The following ARHGAP6 variants were observed in gnomAD, a reference collection of about 807,000 sequenced individuals.
ARHGAP6 encodes Rho GTPase activating protein 6.
ARHGAP6 carries 16 observed loss-of-function variants against 55.7 expected under a neutral mutation model. That is an observed-to-expected ratio of 0.29 (90% confidence interval 0.19 to 0.44). The LOEUF (loss-of-function observed/expected upper bound fraction) is 0.44, where lower values mean the gene tolerates loss of function less well. Among genes scored for constraint, ARHGAP6 ranks in the 20% least tolerant of loss-of-function variants. The probability of loss-of-function intolerance (pLI) is 1.00; values close to 1 mark genes in which losing one functional copy is unlikely to be tolerated. For synonymous variants in ARHGAP6, 382 were observed against 360.9 expected, an observed-to-expected ratio of 1.06 and a Z score of -0.66; for missense variants, 698 against 808.9, an observed-to-expected ratio of 0.86 and a Z score of 1.66.
At chrX:11,216,948 G>A (rs1451109531) in intron 2 of ARHGAP6, among the ~76,000 whole-genome samples, 2 of 110,417 alleles carry the variant, frequency 1.8e-5, no homozygotes, top group East Asian at 2.9e-4. Context: ...TCCCACTTAT[G>A]AGTGAGAACA....
At chrX:11,235,027 C>A (rs1328971384) in intron 2 of ARHGAP6, among the ~76,000 whole-genome samples, 1 of 112,531 alleles carries the variant, frequency 8.9e-6, no homozygotes, top group African/African-American at 3.2e-5. Flanking sequence ...CTCACAGCTC[C>A]TCTAGACAGT....
chrX:11,448,949 A>C (rs1167029829), intron 1 of ARHGAP6, among the ~76,000 whole-genome samples: 2 of 112,017 alleles, frequency 1.8e-5, no homozygotes, highest in East Asian at 2.8e-4. Context: ...GGGGCCAGTG[A>C]TGCCTCCAGG....
intron 2 of ARHGAP6, among the ~76,000 whole-genome samples, chrX:11,206,120 A>C (rs761960716): frequency 8.9e-6 from 1 of 111,914 alleles, no homozygotes; most frequent in East Asian, 2.8e-4. Context: ...GCTGTTCTCC[A>C]TGTTACCTGA....
chrX:11,284,259 AG>A (rs2047894552), intron 1 of ARHGAP6, among the ~76,000 whole-genome samples: 1 of 111,953 alleles, frequency 8.9e-6, no homozygotes, highest in Non-Finnish European at 1.9e-5. Flanking sequence ...CAGATTCAGT[AG>A]GTGTGGGAGG....
intron 1 of ARHGAP6, among the ~76,000 whole-genome samples, chrX:11,383,054 G>T (rs1267170356): frequency 9.0e-6 from 1 of 111,657 alleles, no homozygotes; most frequent in Admixed American, 9.5e-5. Context: ...AATCACTTTG[G>T]GGCTTAAGCC....
chrX:11,181,243 CA>C (rs1009038550), intron 6 of ARHGAP6, among the ~76,000 whole-genome samples: 1 of 111,146 alleles, frequency 9.0e-6, no homozygotes, highest in African/African-American at 3.3e-5. Context: ...TTTGTCTTGA[CA>C]AAAAAGATAA....
chrX:11,303,034 T>C (rs779076237), intron 1 of ARHGAP6, among the ~76,000 whole-genome samples: 139 of 112,684 alleles, frequency 1.2e-3, no homozygotes, highest in Non-Finnish European at 2.3e-3. Flanking sequence ...ACTGTATTAA[T>C]TGGGAAAAAA....
intron 1 of ARHGAP6, chrX:11,351,678 C>G (rs1212753697): frequency 3.6e-6 from 2 of 562,559 alleles, no homozygotes; most frequent in Non-Finnish European, 4.3e-6. Context: ...GCTGGACCCA[C>G]AGTGCAGCTG....
intron 9 of ARHGAP6, among the ~76,000 whole-genome samples, chrX:11,161,731 C>CAGTT (rs1231406512): frequency 1.8e-5 from 2 of 112,110 alleles, no homozygotes; most frequent in Admixed American, 9.4e-5. Context: ...ATTTATTCTG[C>CAGTT]AGTTATTAGT....
chrX:11,260,272 A>G (rs1452816655), intron 1 of ARHGAP6, among the ~76,000 whole-genome samples: 2 of 111,683 alleles, frequency 1.8e-5, no homozygotes, highest in Non-Finnish European at 3.8e-5. Flanking sequence ...TTTGTGTTGT[A>G]AGTTTGTGAT....
At chrX:11,407,488 C>T (rs2049624987) in intron 1 of ARHGAP6, among the ~76,000 whole-genome samples, 1 of 111,969 alleles carries the variant, frequency 8.9e-6, no homozygotes, top group Non-Finnish European at 1.9e-5. Context: ...ACACACATTT[C>T]ATTTCTCTTG....
intron 1 of ARHGAP6, among the ~76,000 whole-genome samples, chrX:11,661,190 A>G (rs1292066399): frequency 8.9e-6 from 1 of 112,642 alleles, no homozygotes; most frequent in Non-Finnish European, 1.9e-5. Flanking sequence ...CAGGATTGAA[A>G]TGAGACTTTA....
At chrX:11,571,477 G>A (rs974211418) in intron 1 of ARHGAP6, among the ~76,000 whole-genome samples, 3 of 110,260 alleles carry the variant, frequency 2.7e-5, no homozygotes, top group African/African-American at 6.6e-5. Flanking sequence ...CTGCTACGAA[G>A]GGATTTTGAA....
chrX:11,638,184 A>C (rs2052438022), intron 1 of ARHGAP6, among the ~76,000 whole-genome samples: 1 of 111,663 alleles, frequency 9.0e-6, no homozygotes, highest in Non-Finnish European at 1.9e-5. Flanking sequence ...AGCATCTAGG[A>C]ATATATACTC....
intron 1 of ARHGAP6, among the ~76,000 whole-genome samples, chrX:11,412,965 C>T (rs1044398476): frequency 8.9e-6 from 1 of 112,320 alleles, no homozygotes; most frequent in Admixed American, 9.4e-5. Context: ...CCATGGACTT[C>T]TGATAGCAGC....
intron 1 of ARHGAP6, among the ~76,000 whole-genome samples, chrX:11,418,668 T>C: frequency 8.9e-6 from 1 of 112,107 alleles, no homozygotes; most frequent in Non-Finnish European, 1.9e-5. Context: ...ATACGTAGAA[T>C]ATATCACTCT....
chrX:11,292,796 G>C (rs890362039), intron 1 of ARHGAP6, among the ~76,000 whole-genome samples: 1 of 112,523 alleles, frequency 8.9e-6, no homozygotes, highest in Non-Finnish European at 1.9e-5. Flanking sequence ...ATGGGTTTCA[G>C]CATGGGGCCG....
intron 1 of ARHGAP6, among the ~76,000 whole-genome samples, chrX:11,361,933 T>G (rs1293738067): frequency 8.9e-6 from 1 of 111,773 alleles, no homozygotes; most frequent in African/African-American, 3.3e-5. Flanking sequence ...ATCAGAGAAA[T>G]GCAAATCAAA....
intron 1 of ARHGAP6, among the ~76,000 whole-genome samples, chrX:11,346,755 G>GAA (rs1248011202): frequency 2.9e-4 from 32 of 109,565 alleles, no homozygotes; most frequent in Admixed American, 9.7e-4. Flanking sequence ...AAGAAAGAAA[G>GAA]AGAGAAAGAA....
Sources: gnomAD v4.1 joint callset for allele counts (sites outside exome capture counted in the v4.1 genomes callset) on GRCh38, gnomAD v4.1.1 for gene constraint, MANE v1.5 for transcripts, NCBI Gene and HGNC (gene_info 2026-07-23, HGNC 2026-07-21) for gene names.